Variants in WDPCP observed in about 807,000 individuals in gnomAD.
The protein encoded by WDPCP is WD repeat containing planar cell polarity effector.
WDPCP carries 71 observed loss-of-function variants against 93.1 expected under a neutral mutation model. The observed-to-expected ratio is 0.76, with a 90% CI of 0.63 to 0.93. The LOEUF is 0.93. Among genes scored for constraint, WDPCP ranks in the 40% least tolerant of loss-of-function variants. The probability of loss-of-function intolerance (pLI) is 0.00; values close to 1 mark genes in which losing one functional copy is unlikely to be tolerated. For missense variants in WDPCP, 844 were observed against 887.4 expected (o/e 0.95, Z 0.62); for synonymous variants, 315 against 315.0 (o/e 1.00, Z 0.00).
intron 14 of WDPCP, among the ~76,000 whole-genome samples, chr2:63,178,325 G>A (rs1406368299): frequency 2.6e-5 from 4 of 152,132 alleles, no homozygotes; most frequent in Admixed American, 1.3e-4. Flanking sequence ...TTCTAATGAA[G>A]GCATGAGGTC....
At chr2:63,591,842 G>A (rs1709207404), upstream of WDPCP, among the ~76,000 whole-genome samples, 1 of 152,204 alleles carries the variant, frequency 6.6e-6, no homozygotes, top group Non-Finnish European at 1.5e-5. Context: ...ACTACGTACT[G>A]TTCTTAGTGC....
chr2:63,790,914 T>G (rs1268423553), intron 2 of WDPCP, among the ~76,000 whole-genome samples: 1 of 152,198 alleles, frequency 6.6e-6, no homozygotes, highest in Non-Finnish European at 1.5e-5. Context: ...TTCCTTTACA[T>G]ATAATAAGGC....
intron 2 of WDPCP, among the ~76,000 whole-genome samples, chr2:63,753,112 C>T (rs1250062656): frequency 1.1e-4 from 16 of 151,942 alleles, no homozygotes; most frequent in Admixed American, 2.0e-4. Flanking sequence ...TGTGTTAGTC[C>T]GTTCTTGCAC....
chr2:63,425,238 C>T (rs1007541376), intron 9 of WDPCP, among the ~76,000 whole-genome samples: 5 of 152,174 alleles, frequency 3.3e-5, no homozygotes, highest in Admixed American at 2.6e-4. Context: ...CCCCATTCAA[C>T]GACAGCAAAT....
chr2:63,576,545 A>G (rs1056935432), intron 1 of WDPCP, among the ~76,000 whole-genome samples: 1 of 152,226 alleles, frequency 6.6e-6, no homozygotes, highest in Non-Finnish European at 1.5e-5. Context: ...AACTATCCAG[A>G]AGCTCTCTGA....
intron 15 of WDPCP, among the ~76,000 whole-genome samples, chr2:63,163,277 A>G (rs1468617529): frequency 6.6e-6 from 1 of 152,196 alleles, no homozygotes; most frequent in African/African-American, 2.4e-5. Context: ...TTAGATTGCC[A>G]AATTGATTAT....
At chr2:63,134,238 A>G (rs1670470324) in intron 17 of WDPCP, among the ~76,000 whole-genome samples, 2 of 152,190 alleles carry the variant, frequency 1.3e-5, no homozygotes. Flanking sequence ...CTGTGGTTAT[A>G]GAATGTAATT....
intron 14 of WDPCP, among the ~76,000 whole-genome samples, chr2:63,203,630 C>T (rs571778976): frequency 1.8e-4 from 27 of 152,260 alleles, no homozygotes; most frequent in African/African-American, 6.5e-4. Context: ...TAACCATCCT[C>T]ACTTCCCCGC....
At chr2:63,157,373 G>C (rs1252401080) in intron 15 of WDPCP, among the ~76,000 whole-genome samples, 1 of 150,074 alleles carries the variant, frequency 6.7e-6, no homozygotes, top group Non-Finnish European at 1.5e-5. Context: ...ATCTTTTTTT[G>C]TACTGTCTTT....
chr2:63,137,821 C>T (rs925925160), intron 17 of WDPCP, among the ~76,000 whole-genome samples: 5 of 152,108 alleles, frequency 3.3e-5, no homozygotes, highest in African/African-American at 9.7e-5. Flanking sequence ...ATGCATTTCT[C>T]CGTTGCTTGT....
At chr2:63,355,175 A>G (rs373390339) in intron 12 of WDPCP, among the ~76,000 whole-genome samples, 1 of 152,296 alleles carries the variant, frequency 6.6e-6, no homozygotes, top group East Asian at 1.9e-4. Flanking sequence ...AAGGAAAAAA[A>G]TGTTAAAGAC....
chr2:63,625,817 C>T (rs1216372230), intron 3 of WDPCP, among the ~76,000 whole-genome samples: 1 of 152,136 alleles, frequency 6.6e-6, no homozygotes, highest in Non-Finnish European at 1.5e-5. Flanking sequence ...TGACTTTCTT[C>T]ACAGAATTAG....
Position 63,622,839 on chromosome 2 carries a change from G to C in WDPCP, n.488+27820C>G, listed in dbSNP as rs930585392. 1.1e-5 allele frequency: 18 copies of C among 1,602,996 alleles called. No individual in the cohort carries two copies. The African/African-American group carries it at 2.4e-4, about 21-fold the overall frequency. On this transcript the variant is annotated intron_variant and non_coding_transcript_variant, in intron 3 of 4. Transcript: ENST00000467687. ...CAGGAAATACTTAACCATCGTCCTG[G>C]CCGAAGTGGGCTCAGCACCCGCGCA...
intron 2 of WDPCP, among the ~76,000 whole-genome samples, chr2:63,728,857 G>A (rs1441525342): frequency 6.6e-6 from 1 of 152,128 alleles, no homozygotes; most frequent in East Asian, 1.9e-4. Context: ...AAATATTTGG[G>A]AAGTTAAAAT....
At chr2:63,220,308 G>A (rs987240879) in intron 14 of WDPCP, among the ~76,000 whole-genome samples, 7 of 152,140 alleles carry the variant, frequency 4.6e-5, no homozygotes, top group Admixed American at 4.6e-4. Flanking sequence ...AACTTAATGA[G>A]AGAAGTAGGG....
At position 63,575,388 on chromosome 2, in the gene WDPCP, C is replaced by T. The variant is rs554059058; in HGVS notation, c.75+12809G>A. ...ATATACAGTATATACAGTATATACA[C>T]GGTATATACAGTATATATACAGTAT... On this transcript the variant is annotated intron_variant, in intron 1 of 17. Coordinates refer to ENST00000272321, the MANE Select transcript of WDPCP (RefSeq NM_015910.7). 4.1e-3 allele frequency among the ~76,000 whole-genome samples: 456 copies of T among 110,328 alleles called. 32 individuals carry two copies. Among genetic ancestry groups the T allele is most frequent in the African/African-American group, 0.015 (415 of 28,092 alleles). The allele number at this position is 110,328 out of a possible 152,430, so 72.4% of individuals were successfully genotyped here.
At chr2:63,215,903 AACAG>A (rs771326035) in intron 14 of WDPCP, among the ~76,000 whole-genome samples, 237 of 152,390 alleles carry the variant, frequency 1.6e-3, no homozygotes, top group Middle Eastern at 0.01. Flanking sequence ...AAAGGATATG[AACAG>A]ACATTTCTCA....
the WDPCP span, among the ~76,000 whole-genome samples, chr2:63,836,732 TG>T: frequency 6.6e-6 from 1 of 152,254 alleles, no homozygotes; most frequent in East Asian, 1.9e-4. Context: ...AACAACCTCA[TG>T]GGTGTCACCA....
At chr2:63,244,928 C>T (rs908797956) in intron 14 of WDPCP, among the ~76,000 whole-genome samples, 10 of 152,240 alleles carry the variant, frequency 6.6e-5, no homozygotes, top group African/African-American at 2.4e-4. Flanking sequence ...TAATCCATTA[C>T]ATTTAAAGCA....
Sources: gnomAD v4.1 joint callset for allele counts (sites outside exome capture counted in the v4.1 genomes callset) on GRCh38, gnomAD v4.1.1 for gene constraint, MANE v1.5 for transcripts, NCBI Gene and HGNC (gene_info 2026-07-23, HGNC 2026-07-21) for gene names.